NDE1: variants seen among roughly 807,000 people sequenced by gnomAD.
The protein encoded by NDE1 is nudE neurodevelopment protein 1.
NDE1 carries 28 observed loss-of-function variants against 43.4 expected under a neutral mutation model. The observed-to-expected ratio is 0.65, with a 90% CI of 0.48 to 0.89. The LOEUF is 0.89. Ranked by LOEUF, NDE1 falls within the 40% of genes least tolerant of loss-of-function variation. NDE1 has a pLI of 0.00. For missense variants in NDE1, 441 were observed against 434.1 expected (o/e 1.02, Z -0.14); for synonymous variants, 184 against 172.0 (o/e 1.07, Z -0.55).
chr16:15,668,966 C>A (rs1455114046), intron 3 of NDE1, among the ~76,000 whole-genome samples: 1 of 152,010 alleles, frequency 6.6e-6, no homozygotes, highest in Non-Finnish European at 1.5e-5. Context: ...GTAGCGCGAT[C>A]TCGGCTCACT....
chr16:15,681,130 TG>T (rs2038153231), intron 4 of NDE1, among the ~76,000 whole-genome samples: 1 of 151,100 alleles, frequency 6.6e-6, no homozygotes, highest in Admixed American at 6.7e-5. Context: ...TTAATTTTTT[TG>T]TATCCTTATT....
At chr16:15,672,503 C>T (rs1184964470) in intron 3 of NDE1, among the ~76,000 whole-genome samples, 1 of 152,126 alleles carries the variant, frequency 6.6e-6, no homozygotes, top group Non-Finnish European at 1.5e-5. Context: ...ATTTGTCAGT[C>T]ACCTAAGAGA....
chr16:15,682,688 A>T (rs1002067047), intron 4 of NDE1, among the ~76,000 whole-genome samples: 4 of 152,146 alleles, frequency 2.6e-5, no homozygotes, highest in African/African-American at 9.7e-5. Context: ...AAATAGATTT[A>T]ATCTAGTTTT....
intron 7 of NDE1, 22 bp from the exon 8 acceptor site, chr16:15,696,687 A>C (rs752126614): frequency 6.2e-7 from 1 of 1,614,154 alleles, no homozygotes; most frequent in Non-Finnish European, 8.5e-7. Context: ...AACTTGAGAG[A>C]TAAAAGTGTA....
At chr16:15,707,827 C>T (rs556890581) in intron 8 of NDE1, among the ~76,000 whole-genome samples, 106 of 152,218 alleles carry the variant, frequency 7.0e-4, no homozygotes, top group Admixed American at 4.6e-3. Flanking sequence ...CAAAAATTAG[C>T]TGGGCGAGGT....
At chr16:15,704,273 G>T in intron 8 of NDE1, 1 of 844,534 alleles carries the variant, frequency 1.2e-6, no homozygotes, top group Non-Finnish European at 1.8e-6. Flanking sequence ...CAAATAAGAT[G>T]CAGATATTCA....
At chr16:15,713,815 C>T (rs2039960148) in intron 8 of NDE1, 1 of 152,424 alleles carries the variant, frequency 6.6e-6, no homozygotes, top group Non-Finnish European at 1.5e-5. Context: ...TGTGCTTTCA[C>T]CAAATGATTG....
chr16:15,679,097 A>G (rs2038040465), intron 4 of NDE1, among the ~76,000 whole-genome samples: 1 of 152,088 alleles, frequency 6.6e-6, no homozygotes, highest in African/African-American at 2.4e-5. Context: ...CAAAACAAAA[A>G]ACAACAAAAA....
chr16:15,704,261 CACAAATA>C, intron 8 of NDE1: 1 of 918,612 alleles, frequency 1.1e-6, no homozygotes, highest in South Asian at 1.5e-5. Context: ...ACACACACGG[CACAAATA>C]AGATGCAGAT....
At chr16:15,697,873 C>G (rs2039084103) in intron 8 of NDE1, among the ~76,000 whole-genome samples, 1 of 148,560 alleles carries the variant, frequency 6.7e-6, no homozygotes, top group African/African-American at 2.5e-5. Flanking sequence ...GTGGCATGAT[C>G]TCAGCTCACT....
chr16:15,663,026 G>A (rs2037126338), intron 1 of NDE1, among the ~76,000 whole-genome samples: 1 of 152,104 alleles, frequency 6.6e-6, no homozygotes, highest in South Asian at 2.1e-4. Context: ...TTTCTCCAAT[G>A]GTTTCCCATT....
chr16:15,711,915 A>C (rs977677644), intron 8 of NDE1, among the ~76,000 whole-genome samples: 2 of 151,916 alleles, frequency 1.3e-5, no homozygotes, highest in Admixed American at 6.6e-5. Flanking sequence ...CTGGCCTTGA[A>C]CTCCTGACCT....
At chr16:15,724,044 C>A (rs1399799746) in intron 8 of NDE1, 147 bp from the exon 9 acceptor site, 11 of 1,546,990 alleles carry the variant, frequency 7.1e-6, no homozygotes, top group Non-Finnish European at 9.7e-6. Context: ...TCCCATGGCT[C>A]CCCACAGAGT....
In NDE1 at chr16:15,714,740, A is replaced by G. The variant is rs145110811; in HGVS notation, c.948-9451A>G. 8.5e-4 allele frequency: 732 copies of G among 865,606 alleles called. 1 individual carries two copies. The highest frequency in any genetic ancestry group is 5.3e-3 in the African/African-American group (320 of 60,500). The allele number at this position is 865,606 out of a possible 1,614,324, so 53.6% of individuals were successfully genotyped here. A position where few individuals can be genotyped will look rare whatever the true frequency, so the allele number is the denominator to read the frequency against. On this transcript the variant is annotated intron_variant, in intron 8 of 8. Transcript: ENST00000396354. ...CAAGGCAGGGCCCGGGTCTGATCTC[A>G]GTGCCTGGCCCACACTAAGCTTAGT...
chr16:15,675,914 G>C (rs1367443027), intron 3 of NDE1, among the ~76,000 whole-genome samples: 1 of 152,174 alleles, frequency 6.6e-6, no homozygotes, highest in Non-Finnish European at 1.5e-5. Flanking sequence ...TTCTGGGCTA[G>C]TCAGGTCACT....
At chr16:15,674,403 C>A (rs556970896) in intron 3 of NDE1, among the ~76,000 whole-genome samples, 70 of 152,170 alleles carry the variant, frequency 4.6e-4, no homozygotes, top group African/African-American at 1.7e-3. Flanking sequence ...CACCACCACA[C>A]TCGGCTAATT....
intron 1 of NDE1, among the ~76,000 whole-genome samples, chr16:15,663,576 C>T (rs1279993472): frequency 1.3e-5 from 2 of 152,076 alleles, no homozygotes; most frequent in African/African-American, 4.8e-5. Flanking sequence ...TCATGTGTCG[C>T]CTCTTCTAGG....
intron 5 of NDE1, 25 bp from the exon 6 acceptor site, chr16:15,691,118 AT>A (rs1164418375): frequency 1.2e-6 from 2 of 1,613,804 alleles, no homozygotes; most frequent in South Asian, 2.2e-5. Context: ...GAGGACTTGA[AT>A]TCCTGAATCC....
chr16:15,675,468 A>C (rs1596584482), intron 3 of NDE1, among the ~76,000 whole-genome samples: 2 of 142,882 alleles, frequency 1.4e-5, no homozygotes, highest in African/African-American at 5.2e-5. Context: ...TCGTGGTCTC[A>C]CTCTGTGGCC....
Sources: gnomAD v4.1 joint callset for allele counts (sites outside exome capture counted in the v4.1 genomes callset) on GRCh38, gnomAD v4.1.1 for gene constraint, MANE v1.5 for transcripts, NCBI Gene and HGNC (gene_info 2026-07-23, HGNC 2026-07-21) for gene names.